Variants in PALLD observed in about 807,000 individuals in gnomAD.
The protein encoded by PALLD is palladin, cytoskeletal associated protein, also known as palladin.
A neutral mutation model predicts 123.5 loss-of-function variants in PALLD; 61 were observed. The observed-to-expected ratio is 0.49, with a 90% CI of 0.40 to 0.61. The LOEUF is 0.61. PALLD is among the 20% of genes least tolerant of loss of function. The probability of loss-of-function intolerance (pLI) is 0.00; values close to 1 mark genes in which losing one functional copy is unlikely to be tolerated. For synonymous variants in PALLD, 465 were observed against 496.4 expected (o/e 0.94, Z 0.84); for missense variants, 1,273 against 1,377.0 (o/e 0.92, Z 1.20).
chr4:168,509,378 T>TAA (rs1286196777), intron 1 of PALLD, among the ~76,000 whole-genome samples: 4 of 152,222 alleles, frequency 2.6e-5, no homozygotes, highest in African/African-American at 9.6e-5. Flanking sequence ...AATTGTTAAA[T>TAA]AAAAGCTCAA....
chr4:168,615,192 A>C (rs1251497654), intron 2 of PALLD, among the ~76,000 whole-genome samples: 1 of 152,086 alleles, frequency 6.6e-6, no homozygotes, highest in Non-Finnish European at 1.5e-5. Context: ...AAAGCATTAC[A>C]TTAAAAAATT....
intron 17 of PALLD, among the ~76,000 whole-genome samples, 196 bp downstream of exon 17, chr4:168,916,223 G>A (rs1441481464): frequency 6.6e-6 from 1 of 152,106 alleles, no homozygotes; most frequent in East Asian, 1.9e-4. Flanking sequence ...GACCAGCCTG[G>A]GTAATATGGA....
intron 10 of PALLD, among the ~76,000 whole-genome samples, chr4:168,749,146 C>G (rs1016565858): frequency 1.3e-4 from 20 of 151,938 alleles, no homozygotes; most frequent in Non-Finnish European, 4.4e-5. Context: ...CCCTGCCACT[C>G]TCTCTCTCTT....
intron 2 of PALLD, among the ~76,000 whole-genome samples, chr4:168,653,293 A>C (rs1778234139): frequency 6.6e-6 from 1 of 152,266 alleles, no homozygotes. Flanking sequence ...TCAGTGGAAC[A>C]CTAAAGGCTA....
intron 2 of PALLD, among the ~76,000 whole-genome samples, chr4:168,547,566 CAAAAAA>C (rs11339394): frequency 1.4e-5 from 1 of 70,934 alleles, no homozygotes; most frequent in African/African-American, 5.8e-5. Flanking sequence ...TAATAAAATA[CAAAAAA>C]AAAAAAAAAA....
intron 2 of PALLD, among the ~76,000 whole-genome samples, chr4:168,661,257 T>G (rs981389576): frequency 1.3e-5 from 2 of 152,192 alleles, no homozygotes; most frequent in Admixed American, 1.3e-4. Context: ...AGGTAAAATA[T>G]AGTCATTGTA....
At chr4:168,559,128 C>T (rs1580312230) in intron 2 of PALLD, among the ~76,000 whole-genome samples, 1 of 152,262 alleles carries the variant, frequency 6.6e-6, no homozygotes, top group African/African-American at 2.4e-5. Flanking sequence ...TCTGGAAAAA[C>T]ATAGTAAAGT....
chr4:168,679,082 G>A (rs1251947781), intron 3 of PALLD, among the ~76,000 whole-genome samples: 2 of 140,894 alleles, frequency 1.4e-5, no homozygotes, highest in Non-Finnish European at 3.1e-5. Flanking sequence ...GGGTGAGTAT[G>A]GATGTGTTTG....
chr4:168,811,768 T>TCACA (rs1201722924), intron 10 of PALLD, among the ~76,000 whole-genome samples: 1,142 of 109,826 alleles, frequency 0.01, 15 homozygotes, highest in African/African-American at 0.035. Flanking sequence ...TCTCTCTCTC[T>TCACA]CTCTCTCTCA....
intron 2 of PALLD, among the ~76,000 whole-genome samples, chr4:168,640,040 A>G (rs1189644908): frequency 1.3e-5 from 2 of 152,204 alleles, no homozygotes; most frequent in Non-Finnish European, 2.9e-5. Context: ...CCAGAAGTGG[A>G]CAAAGAAGTC....
At chr4:168,814,870 A>G (rs190392566) in intron 10 of PALLD, among the ~76,000 whole-genome samples, 143 of 152,320 alleles carry the variant, frequency 9.4e-4, no homozygotes, top group Non-Finnish European at 1.7e-3. Context: ...TCCTGGGTTC[A>G]AGCAATTCTC....
intron 10 of PALLD, among the ~76,000 whole-genome samples, chr4:168,714,860 A>C (rs1210882966): frequency 6.6e-6 from 1 of 152,184 alleles, no homozygotes; most frequent in East Asian, 1.9e-4. Flanking sequence ...TTTTCAAAAA[A>C]AAAAAGAAAA....
intron 10 of PALLD, among the ~76,000 whole-genome samples, chr4:168,809,318 CCTTCTTCTT>C (rs72109616): frequency 0.36 from 52,177 of 143,502 alleles, 9,389 homozygotes; most frequent in Non-Finnish European, 0.42. Flanking sequence ...CCTTATAAAT[CCTTCTTCTT>C]CTTCTTCTTC....
chr4:168,924,467 T>C, intron 19 of PALLD, 47 bp downstream of exon 19: 1 of 1,509,438 alleles, frequency 6.6e-7, no homozygotes, highest in Non-Finnish European at 9.2e-7. Flanking sequence ...TCAGTCCTAA[T>C]GATGTATCAA....
intron 8 of PALLD, among the ~76,000 whole-genome samples, chr4:168,707,341 G>A (rs1784324229): frequency 6.6e-6 from 1 of 152,212 alleles, no homozygotes; most frequent in Admixed American, 6.5e-5. Context: ...TGGTTTTTGT[G>A]GTCTGTGCCA....
chr4:168,673,080 G>A (rs1343605498), intron 3 of PALLD, among the ~76,000 whole-genome samples: 1 of 152,130 alleles, frequency 6.6e-6, no homozygotes, highest in Non-Finnish European at 1.5e-5. Flanking sequence ...GCATATAATT[G>A]AGCACTTTTC....
intron 8 of PALLD, among the ~76,000 whole-genome samples, chr4:168,699,818 C>G (rs1298455804): frequency 1.3e-5 from 2 of 151,950 alleles, no homozygotes; most frequent in African/African-American, 2.4e-5. Context: ...ATTAAATGCC[C>G]TCAAATCAAA....
rs141122393 is a variant in PALLD at position 168,850,822 on chromosome 4, G to A, written c.1965-40100G>A. ...GCTGGAATTACAGGCATGAGCCACCGCGCCCAGCCTAAGTCTGTCATTTCT... is the reference window on the plus strand; with the variant it reads ...GCTGGAATTACAGGCATGAGCCACCACGCCCAGCCTAAGTCTGTCATTTCT... On this transcript the variant is annotated intron_variant, in intron 10 of 21. Transcript: ENST00000505667. Among the ~76,000 whole-genome samples, 707 of 152,042 alleles carry A rather than the reference G, an allele frequency of 4.7e-3. 3 individuals carry two copies. The highest frequency in any genetic ancestry group is 6.9e-3 in the Non-Finnish European group (470 of 67,978).
At chr4:168,805,607 T>C (rs980254646) in intron 10 of PALLD, among the ~76,000 whole-genome samples, 2 of 152,170 alleles carry the variant, frequency 1.3e-5, no homozygotes, top group African/African-American at 4.8e-5. Context: ...CCAGTTGGAA[T>C]GCCCTTTCTC....
Sources: allele counts gnomAD v4.1 joint callset (sites outside exome capture counted in the v4.1 genomes callset), GRCh38; gene constraint gnomAD v4.1.1; transcripts MANE v1.5; gene names NCBI Gene and HGNC (gene_info 2026-07-23, HGNC 2026-07-21).